The following IDS variants were observed in gnomAD, a reference collection of about 807,000 sequenced individuals.
IDS encodes the protein alpha-L-iduronate sulfate sulfatase.
IDS carries 1 observed loss-of-function variant against 33.5 expected under a neutral mutation model. The observed-to-expected ratio is 0.03, with a 90% confidence interval of 0.01 to 0.14. The LOEUF is 0.14. Ranked by LOEUF, IDS falls within the 10% of genes least tolerant of loss-of-function variation. The pLI is 1.00. For missense variants in IDS, 328 were observed against 448.0 expected (o/e 0.73, Z 2.42); for synonymous variants, 191 against 184.4 (o/e 1.04, Z -0.29).
rs1354631147 is a variant in IDS, at chrX:149,505,291, T to C, written c.-154A>G. On this transcript the variant is annotated 5_prime_UTR_variant, in exon 1 of 9. Transcript: ENST00000340855. ...CGCCCGGGCCCGCAGGCCCGGGCGC[T>C]GGCCGCAGCGCGAGTGCGTCCGTGC... is the stretch of plus-strand genomic sequence containing the variant. The C allele has an allele frequency of 3.2e-6, 1 of 316,682 alleles. No individual in the cohort carries two copies. Among genetic ancestry groups the C allele is most frequent in the South Asian group, 1.4e-4 (1 of 7,247 alleles). 26.1% of individuals were successfully genotyped at this position (316,682 alleles called of 1,213,427 possible).
At position 149,479,982 on chromosome X, in the gene IDS, G is replaced by A. The variant is rs894922823; in HGVS notation, c.*2764C>T. On this transcript the variant is annotated 3_prime_UTR_variant, in exon 9 of 9. Coordinates refer to ENST00000340855, the MANE Select transcript of IDS (RefSeq NM_000202.8). Reference sequence around the variant, plus strand: ...ACAAAAACCTCAGCCTCCTTCGGGAGGGGGGGAGCTTGGTAGTGAAAAATG... The same window carrying A: ...ACAAAAACCTCAGCCTCCTTCGGGAAGGGGGGAGCTTGGTAGTGAAAAATG... The A allele has an allele frequency of 7.7e-6, 2 of 260,093 alleles. No individual in the cohort carries two copies. The highest frequency in any genetic ancestry group is 1.4e-5 in the Non-Finnish European group (2 of 146,257). The allele number at this position is 260,093 out of a possible 1,213,427, so 21.4% of individuals were successfully genotyped here.
rs188574617 is a variant in IDS at position 149,505,228 on chromosome X, C to T, written c.-91G>A. ...CCGCCGCCGCAGCCACAGAGACCTC[C>T]TCGTCGGGAACCCATGAAGACTGCG... On this transcript the variant is annotated 5_prime_UTR_variant, in exon 1 of 9. Coordinates refer to ENST00000340855, the MANE Select transcript of IDS (RefSeq NM_000202.8). The T allele has an allele frequency of 2.1e-3, 1,340 of 624,735 alleles. 16 individuals carry two copies. In the African/African-American group the frequency reaches 0.027, roughly 12 times the overall value. 51.5% of individuals were successfully genotyped at this position (624,735 alleles called of 1,213,427 possible).
chrX:149,477,636 T>C lies in IDS; in HGVS notation c.*5110A>G, dbSNP rs200812994. 1.8e-5 allele frequency: 2 copies of C among 112,938 alleles called. No individual in the cohort carries two copies. The highest frequency in any genetic ancestry group is 5.6e-4 in the East Asian group (2 of 3,603). The allele number at this position is 112,938 out of a possible 1,213,427, so 9.3% of individuals were successfully genotyped here. A position where few individuals can be genotyped will look rare whatever the true frequency, so the allele number is the denominator to read the frequency against. On this transcript the variant is annotated 3_prime_UTR_variant, in exon 9 of 9. Transcript: ENST00000340855. Reference sequence around the variant, plus strand: ...TGATCCCAAAGAAAACCCTTGAGCGTGGGCTCCCCACAACAGACTGTGTTT... The same window carrying C: ...TGATCCCAAAGAAAACCCTTGAGCGCGGGCTCCCCACAACAGACTGTGTTT...
chrX:149,500,675 C>T (rs2070785), intron 4 of IDS, among the ~76,000 whole-genome samples: 2 of 111,717 alleles, frequency 1.8e-5, no homozygotes, highest in African/African-American at 6.5e-5. Context: ...TCTCATCCAG[C>T]GTGAGCACTG....
chrX:149,483,109 C>T lies in IDS; in HGVS notation c.1290G>A (p.Glu430=), dbSNP rs140633427. The change falls in exon 9 of 9, where the codon GAG becomes GAA. Residue 430 remains glutamate, a synonymous_variant. Transcript: ENST00000340855. The part of the protein sequence containing the change: ...PRCPVPSFHV[E]LCREGKNLLK... ...GAAGGTTCTTGCCTTCTCTGCACAG[C>T]TCAACGTGAAATGAAGGAACGGGGC... 12 of 1,208,352 alleles carry T rather than the reference C, an allele frequency of 9.9e-6. No individual in the cohort carries two copies. The African/African-American group carries it at 2.1e-4, about 21-fold the overall frequency.
chrX:149,500,358 G>A (rs920829137), intron 4 of IDS, among the ~76,000 whole-genome samples: 3 of 112,081 alleles, frequency 2.7e-5, no homozygotes, highest in African/African-American at 9.8e-5. Context: ...CCAACACGAT[G>A]TTTACTAAAA....
rs2123994147 is a variant in IDS at position 149,482,917 on chromosome X, G to A, written c.1482C>T (p.Thr494=). ...CCCACACAGTATACCTATAGTCTAT[G>A]GTGCGTATGGAATAGCCCATGATCT... The part of the protein sequence containing the change: ...DIKIMGYSIR[T]IDYRYTVWVG... The change falls in exon 9 of 9, where the codon ACC becomes ACT. Residue 494 remains threonine (T), a synonymous_variant. Coordinates refer to ENST00000340855, the MANE Select transcript of IDS (RefSeq NM_000202.8). The A allele has an allele frequency of 2.0e-5, 24 of 1,211,466 alleles. No homozygotes were observed. The highest frequency in any genetic ancestry group is 2.7e-5 in the Non-Finnish European group (24 of 895,267).
At position 149,496,435 on chromosome X, in the gene IDS, A is replaced by G; in HGVS notation, c.790T>C (p.Tyr264His). The G allele has an allele frequency of 8.3e-7, 1 of 1,209,323 alleles. No homozygotes were observed. Among genetic ancestry groups the G allele is most frequent in the Non-Finnish European group, 1.1e-6 (1 of 893,204 alleles). The change falls in exon 6 of 9, where the codon TAC becomes CAC. Residue 264 changes from tyrosine (Y) to histidine (H), a missense_variant. Tyr to His is a moderately conservative substitution (Grantham distance 83). Around this residue, in one of 4 missense-constraint regions of IDS, gnomAD observed 265 missense variants for 339.2 expected, o/e 0.78. Transcript: ENST00000340855. ...EVPDGLPPVA[Y>H]NPWMDIRQRE... ...TGCCTGATGTCCATCCAGGGGTTGTAGGCCACAGGGGGTAGGCCATCAGGG... is the reference window on the plus strand; with the variant it reads ...TGCCTGATGTCCATCCAGGGGTTGTGGGCCACAGGGGGTAGGCCATCAGGG...
rs782458654 is a variant in IDS at position 149,480,606 on chromosome X, A to G, written c.*2140T>C. ...GCGATTCTTGTGCCTTGGCCTCCCA[A>G]GAAGCTGGGATTACAGGCATGCACC... On this transcript the variant is annotated 3_prime_UTR_variant, in exon 9 of 9. Transcript: ENST00000340855. 13 of 276,693 alleles carry G rather than the reference A, an allele frequency of 4.7e-5. No homozygotes were observed. The highest frequency in any genetic ancestry group is 7.0e-5 in the Non-Finnish European group (11 of 157,910). 22.8% of individuals were successfully genotyped at this position (276,693 alleles called of 1,213,427 possible).
Position 149,491,494 on chromosome X carries a change from C to T in IDS, c.880-1054G>A, listed in dbSNP as rs890581489. 34 of 925,877 alleles carry T rather than the reference C, an allele frequency of 3.7e-5. No individual in the cohort carries two copies. In the African/African-American group the frequency reaches 4.1e-4, roughly 11 times the overall value. The allele number at this position is 925,877 out of a possible 1,213,427, so 76.3% of individuals were successfully genotyped here. Reference sequence around the variant, plus strand: ...CTGACTTATCAGCTGGACCCACCAGCTTCTTCTCATCACTGCCAGGGTGAG... The same window carrying T: ...CTGACTTATCAGCTGGACCCACCAGTTTCTTCTCATCACTGCCAGGGTGAG... On this transcript the variant is annotated intron_variant, in intron 6 of 8. Coordinates refer to ENST00000340855, the MANE Select transcript of IDS (RefSeq NM_000202.8).
rs782697859 is a variant in IDS, at chrX:149,483,026, C to A, written c.1373G>T (p.Arg458Leu). Residue 458 changes from arginine (R) to leucine (L), a missense_variant, in exon 9 of 9, where the codon CGT (arginine) becomes CTT (leucine). By Grantham distance (102) the Arg-to-Leu change is moderately radical (BLOSUM62 -2). Transcript: ENST00000340855. ...ATACTGGCTATAGGCAATCAGTTCA[C>A]GGGGATTACCAGGGAGGTACGGATC... ...EEDPYLPGNP[R>L]ELIAYSQYPR... 5.8e-6 allele frequency: 7 copies of A among 1,208,859 alleles called. No homozygotes were observed. Among genetic ancestry groups the A allele is most frequent in the Non-Finnish European group, 6.7e-6 (6 of 893,175 alleles).
Position 149,504,225 on chromosome X carries a change from G to A in IDS, c.172C>T (p.Leu58=), listed in dbSNP as rs1267973079. ...TGGTCAATATTTGGGGACCTCACCA[G>A]CTTATCCCCATAACAGCCCAGGGAG... ...RPSLGCYGDK[L]VRSPNIDQLA... is the part of the protein sequence containing the mutation. Residue 58 remains leucine, a synonymous_variant, in exon 2 of 9, where the codon CTG becomes TTG. Transcript: ENST00000340855. 1 of 1,205,878 alleles carries A rather than the reference G, an allele frequency of 8.3e-7. No homozygotes were observed. Among genetic ancestry groups the A allele is most frequent in the East Asian group, 3.0e-5 (1 of 33,720 alleles).
intron 8 of IDS, among the ~76,000 whole-genome samples, chrX:149,486,094 G>C (rs1033475091): frequency 1.8e-5 from 2 of 111,832 alleles, no homozygotes; most frequent in African/African-American, 6.5e-5. Flanking sequence ...TTCAGAGACA[G>C]TGTACAACCT....
rs2089345156 is a variant in IDS, at chrX:149,487,240, A to T, written c.1007-142T>A. ...ACCTAGAAGAAAAATATTCACTTGG[A>T]ATTACCACAGAAAGGGTTATTTCAA... On this transcript the variant is annotated intron_variant, in intron 7 of 8. Coordinates refer to ENST00000340855, the MANE Select transcript of IDS (RefSeq NM_000202.8). The T allele has an allele frequency of 9.1e-6, 11 of 1,204,617 alleles. No individual in the cohort carries two copies. The East Asian group carries it at 3.3e-4, about 36-fold the overall frequency.
Position 149,479,383 on chromosome X carries a change from G to GT in IDS, c.*3362dup, listed in dbSNP as rs1557337228. The GT allele has an allele frequency of 1.8e-5, 2 of 112,602 alleles. No homozygotes were observed. Among genetic ancestry groups the GT allele is most frequent in the East Asian group, 5.5e-4 (2 of 3,629 alleles). 9.3% of individuals were successfully genotyped at this position (112,602 alleles called of 1,213,427 possible). Reference sequence around the variant, plus strand: ...ATCAGGTTGCTTATTTTTGTTTTATGTTTTTTATTTGTATGCATGTTTACT... The same window carrying GT: ...ATCAGGTTGCTTATTTTTGTTTTATGTTTTTTTATTTGTATGCATGTTTACT... On this transcript the variant is annotated 3_prime_UTR_variant, in exon 9 of 9. Transcript: ENST00000340855.
At chrX:149,499,956 G>C (rs948961278) in intron 4 of IDS, among the ~76,000 whole-genome samples, 23 of 111,576 alleles carry the variant, frequency 2.1e-4, no homozygotes, top group African/African-American at 7.5e-4. Context: ...CCGAGGGGCT[G>C]TGTCAGCTGC....
In IDS at chrX:149,482,745, C is replaced by G. The variant is rs2089302571; in HGVS notation, c.*1G>C. ...CATTTGCCATCCATGGTTGGCAAAA[C>G]TCAAGGCATCAACAACTGGAAAAGA... On this transcript the variant is annotated 3_prime_UTR_variant, in exon 9 of 9. Coordinates refer to ENST00000340855, the MANE Select transcript of IDS (RefSeq NM_000202.8). 1 of 1,210,950 alleles carries G rather than the reference C, an allele frequency of 8.3e-7. No homozygotes were observed. Among genetic ancestry groups the G allele is most frequent in the African/African-American group, 1.7e-5 (1 of 57,499 alleles).
chrX:149,504,502 C>CCTCCAA (rs1211434751), intron 1 of IDS, among the ~76,000 whole-genome samples: 5 of 111,157 alleles, frequency 4.5e-5, no homozygotes, highest in African/African-American at 1.6e-4. Context: ...TTGGTCATGG[C>CCTCCAA]CTCCAACCTG....
chrX:149,505,285 G>C lies in IDS; in HGVS notation c.-148C>G, dbSNP rs1356012929. On this transcript the variant is annotated 5_prime_UTR_variant, in exon 1 of 9. Coordinates refer to ENST00000340855, the MANE Select transcript of IDS (RefSeq NM_000202.8). ...AGCCGCCGCCCGGGCCCGCAGGCCC[G>C]GGCGCTGGCCGCAGCGCGAGTGCGT... 3.1e-6 allele frequency: 1 copy of C among 322,480 alleles called. No homozygotes were observed. The highest frequency in any genetic ancestry group is 5.9e-5 in the Admixed American group (1 of 17,080). The allele number at this position is 322,480 out of a possible 1,213,427, so 26.6% of individuals were successfully genotyped here. A position where few individuals can be genotyped will look rare whatever the true frequency, so the allele number is the denominator to read the frequency against.
Sources: allele counts gnomAD v4.1 joint callset (sites outside exome capture counted in the v4.1 genomes callset), GRCh38; gene constraint gnomAD v4.1.1; regional missense constraint gnomAD v4.1.1; transcripts MANE v1.5; gene names NCBI Gene and HGNC (gene_info 2026-07-23, HGNC 2026-07-21).